The following RANBP3 variants were observed in gnomAD, a reference collection of about 807,000 sequenced individuals.
RANBP3 encodes RAN binding protein 3.
In RANBP3, 14 loss-of-function variants were observed where a neutral mutation model predicts 77.3. The observed-to-expected ratio is 0.18, with a 90% confidence interval of 0.12 to 0.28. The LOEUF (loss-of-function observed/expected upper bound fraction) is 0.28. Among genes scored for constraint, RANBP3 ranks in the 10% least tolerant of loss-of-function variants. The pLI, the probability that RANBP3 is intolerant of heterozygous loss-of-function variation, is 1.00. For missense variants in RANBP3, 586 were observed against 752.3 expected (o/e 0.78, Z 2.59); for synonymous variants, 315 against 312.4 (o/e 1.01, Z -0.09).
chr19:5,956,046 G>A (rs1184099060), intron 2 of RANBP3, among the ~76,000 whole-genome samples: 11 of 152,130 alleles, frequency 7.2e-5, no homozygotes, highest in Admixed American at 7.2e-4. Context: ...GTTCAAGACT[G>A]CAGTGAATTA....
intron 3 of RANBP3, among the ~76,000 whole-genome samples, chr19:5,946,312 G>A (rs1336090678): frequency 6.6e-5 from 10 of 152,318 alleles, no homozygotes; most frequent in Non-Finnish European, 1.3e-4. Flanking sequence ...CGTGGGTGGA[G>A]TCCGTGTCCT....
At chr19:5,925,971 C>A (rs1426684439) in intron 9 of RANBP3, among the ~76,000 whole-genome samples, 1 of 152,168 alleles carries the variant, frequency 6.6e-6, no homozygotes, top group Admixed American at 6.5e-5. Context: ...CTCCAAGGAG[C>A]CTTTTCCACC....
rs1032991776 is a variant in RANBP3, at chr19:5,948,480, C to T, written c.282+2913G>A. On this transcript the variant is annotated intron_variant, in intron 3 of 16. Transcript: ENST00000340578. ...AAAAAAAAAAAAAAGATAAATTCCC[C>T]CTAGAAAACTGGCAACCAAGCGGTG... is the stretch of plus-strand genomic sequence containing the variant. Among the ~76,000 whole-genome samples, 17 of 152,156 alleles carry T rather than the reference C, an allele frequency of 1.1e-4. 1 individual carries two copies. The East Asian group carries it at 3.3e-3, about 29-fold the overall frequency.
intron 1 of RANBP3, chr19:5,962,697 T>C (rs1490319260): frequency 2.2e-6 from 1 of 456,066 alleles, no homozygotes; most frequent in South Asian, 1.5e-5. Context: ...AAATGAGCTT[T>C]AGTCACATCT....
At chr19:5,951,117 G>C (rs983431336) in intron 3 of RANBP3, among the ~76,000 whole-genome samples, 1 of 152,208 alleles carries the variant, frequency 6.6e-6, no homozygotes, top group African/African-American at 2.4e-5. Flanking sequence ...AATTCCTCCT[G>C]ACCCCTCGTG....
chr19:5,950,281 A>G (rs901611473), intron 3 of RANBP3, among the ~76,000 whole-genome samples: 9 of 152,200 alleles, frequency 5.9e-5, no homozygotes, highest in Admixed American at 3.9e-4. Flanking sequence ...CCCGTGTCTC[A>G]CTACCCCAAA....
At chr19:5,929,329 G>A (rs1395898763) in intron 8 of RANBP3, among the ~76,000 whole-genome samples, 4 of 152,234 alleles carry the variant, frequency 2.6e-5, no homozygotes, top group African/African-American at 9.6e-5. Context: ...CAGCCCCACT[G>A]GGGCCGCCTG....
chr19:5,944,735 C>CCTCA (rs2058182070), intron 3 of RANBP3, among the ~76,000 whole-genome samples: 1 of 152,248 alleles, frequency 6.6e-6, no homozygotes, highest in African/African-American at 2.4e-5. Context: ...GCACTGCTCG[C>CCTCA]CTCACCTCTG....
At chr19:5,948,572 C>G (rs981902546) in intron 3 of RANBP3, among the ~76,000 whole-genome samples, 2 of 151,976 alleles carry the variant, frequency 1.3e-5, no homozygotes, top group Non-Finnish European at 2.9e-5. Flanking sequence ...ACCTGGGATA[C>G]AAAATAAATG....
intron 5 of RANBP3, among the ~76,000 whole-genome samples, chr19:5,937,639 G>T (rs2058083602): frequency 6.6e-6 from 1 of 152,222 alleles, no homozygotes; most frequent in South Asian, 2.1e-4. Flanking sequence ...CTAAAAAACA[G>T]AAGGCAGGCA....
chr19:5,922,473 G>T (rs2057835393), intron 13 of RANBP3, among the ~76,000 whole-genome samples: 1 of 152,240 alleles, frequency 6.6e-6, no homozygotes, highest in South Asian at 2.1e-4. Flanking sequence ...GCGGCCTGAG[G>T]AGCAGGAATG....
At chr19:5,919,214 G>C (rs2057785771) in intron 14 of RANBP3, among the ~76,000 whole-genome samples, 1 of 152,230 alleles carries the variant, frequency 6.6e-6, no homozygotes. Flanking sequence ...GTGGGCAGCA[G>C]ATTACGGAGG....
At chr19:5,966,370 G>C (rs2058468209) in intron 1 of RANBP3, among the ~76,000 whole-genome samples, 1 of 152,190 alleles carries the variant, frequency 6.6e-6, no homozygotes, top group Non-Finnish European at 1.5e-5. Context: ...ATCCTTTAAG[G>C]TTGTCAAGAC....
chr19:5,928,013 T>G lies in RANBP3; in HGVS notation c.768A>C (p.Thr256=). The G allele has an allele frequency of 6.2e-7, 1 of 1,613,878 alleles. No individual in the cohort carries two copies. Among genetic ancestry groups the G allele is most frequent in the Non-Finnish European group, 8.5e-7 (1 of 1,179,896 alleles). The change falls in exon 9 of 17, where the codon ACA becomes ACC. Residue 256 remains threonine, a synonymous_variant. Transcript: ENST00000340578. ...TCTGCCCAAATACAAAGGCTTGCTG[T>G]GTGGCGGGGTCTTTTTTCTCACAGG... ...EEACEKKDPA[T]QQAFVFGQNL...
In RANBP3 at chr19:5,923,608, G is replaced by A. The variant is rs142170946; in HGVS notation, c.1099+204C>T. On this transcript the variant is annotated intron_variant, in intron 12 of 16. Coordinates refer to ENST00000340578, the MANE Select transcript of RANBP3 (RefSeq NM_007322.3). ...GCCTGCGCCTCCCCACCCTCCCCAC[G>A]GCCACAAGGCGACACAGGCCCTCGA... 7.9e-5 allele frequency among the ~76,000 whole-genome samples: 12 copies of A among 152,280 alleles called. No individual in the cohort carries two copies. The East Asian group carries it at 9.6e-4, about 12-fold the overall frequency.
chr19:5,967,229 A>G (rs2058478353), intron 1 of RANBP3, among the ~76,000 whole-genome samples: 1 of 152,210 alleles, frequency 6.6e-6, no homozygotes, highest in Non-Finnish European at 1.5e-5. Context: ...TCTTTTCTCA[A>G]TACTCGAATA....
chr19:5,955,664 A>T (rs2058326542), intron 2 of RANBP3, among the ~76,000 whole-genome samples: 1 of 152,232 alleles, frequency 6.6e-6, no homozygotes, highest in Admixed American at 6.5e-5. Flanking sequence ...TTAAAGAATT[A>T]CTGATTCCTA....
rs776273787 is a variant in RANBP3 at position 5,918,565 on chromosome 19, G to A, written c.1404C>T (p.Ala468=). The A allele has an allele frequency of 7.4e-6, 12 of 1,613,672 alleles. No homozygotes were observed. In the South Asian group the frequency reaches 1.3e-4, roughly 18 times the overall value. The change falls in exon 15 of 17, where the codon GCC becomes GCT. Residue 468 remains alanine (A), a synonymous_variant. Coordinates refer to ENST00000340578, the MANE Select transcript of RANBP3 (RefSeq NM_007322.3). ...KLWAQMQIDK[A]SEKSIRITAM... is the part of the protein sequence containing the mutation. Reference sequence around the variant, plus strand: ...CTGTGATGCGAATGCTCTTCTCGCTGGCCTTGTCGATCTGCATCTGGGCCC... The same window carrying A: ...CTGTGATGCGAATGCTCTTCTCGCTAGCCTTGTCGATCTGCATCTGGGCCC...
At position 5,941,720 on chromosome 19, in the gene RANBP3, A is replaced by AT; in HGVS notation, c.320-14dup. ...TCTCTGTCAGAATCTACAGAAAATG[A>AT]TGAGAAGAGGAGGAGAAAAATCAGG... On this transcript the variant is annotated splice_polypyrimidine_tract_variant and intron_variant, in intron 4 of 16. Coordinates refer to ENST00000340578, the MANE Select transcript of RANBP3 (RefSeq NM_007322.3). 1 of 1,613,168 alleles carries AT rather than the reference A, an allele frequency of 6.2e-7. No individual in the cohort carries two copies. Among genetic ancestry groups the AT allele is most frequent in the Admixed American group, 1.7e-5 (1 of 60,030 alleles).
Sources: gnomAD v4.1 joint callset for allele counts (sites outside exome capture counted in the v4.1 genomes callset) on GRCh38, gnomAD v4.1.1 for gene constraint, MANE v1.5 for transcripts, NCBI Gene and HGNC (gene_info 2026-07-23, HGNC 2026-07-21) for gene names.